PIP4K2A: variants seen among roughly 807,000 people sequenced by gnomAD.
The protein encoded by PIP4K2A is phosphatidylinositol-5-phosphate 4-kinase type 2 alpha.
PIP4K2A carries 14 observed loss-of-function variants against 42.9 expected under a neutral mutation model. The ratio of observed to expected loss-of-function variants is 0.33; its 90% CI spans 0.22 to 0.51. The LOEUF is 0.51. PIP4K2A is among the 20% of genes least tolerant of loss of function. The pLI is 0.97. For missense variants in PIP4K2A, 434 were observed against 519.8 expected (o/e 0.83, Z 1.61); for synonymous variants, 192 against 192.2 (o/e 1.00, Z 0.01).
intron 1 of PIP4K2A, among the ~76,000 whole-genome samples, chr10:22,681,809 T>A (rs1839668289): frequency 6.6e-6 from 1 of 152,204 alleles, no homozygotes; most frequent in Non-Finnish European, 1.5e-5. Flanking sequence ...CTGCAAGGGT[T>A]AGACAGTAAA....
intron 1 of PIP4K2A, among the ~76,000 whole-genome samples, chr10:22,683,061 A>C (rs1839693477): frequency 7.4e-6 from 1 of 135,786 alleles, no homozygotes; most frequent in African/African-American, 3.4e-5. Flanking sequence ...AAGAAAAAGA[A>C]AAACAACAAC....
In PIP4K2A at chr10:22,701,455, T is replaced by G. The variant is rs560646874; in HGVS notation, c.144+12728A>C. 1.4e-4 allele frequency among the ~76,000 whole-genome samples: 21 copies of G among 152,264 alleles called. No individual in the cohort carries two copies. The South Asian group carries it at 2.7e-3, about 20-fold the overall frequency. On this transcript the variant is annotated intron_variant, in intron 1 of 9. Transcript: ENST00000376573. ...ATACCTGGTTATCCAACAATGTCTG[T>G]TACCCCTGCCCAAGCTCAGGTTCCC...
At chr10:22,593,420 C>A (rs1047981055) in intron 3 of PIP4K2A, among the ~76,000 whole-genome samples, 11 of 152,192 alleles carry the variant, frequency 7.2e-5, no homozygotes, top group African/African-American at 2.6e-4. Context: ...ATTCTTAAGA[C>A]AACTAAAATT....
At chr10:22,555,178 G>A (rs16922450) in intron 6 of PIP4K2A, among the ~76,000 whole-genome samples, 2,252 of 152,278 alleles carry the variant, frequency 0.015, 43 homozygotes, top group African/African-American at 0.05. Flanking sequence ...AGCTTTCCAC[G>A]TAGGAGACAA....
At chr10:22,613,408 G>A (rs796982706) in intron 1 of PIP4K2A, among the ~76,000 whole-genome samples, 4 of 152,248 alleles carry the variant, frequency 2.6e-5, no homozygotes, top group African/African-American at 9.6e-5. Flanking sequence ...ATGGGATTCA[G>A]GCATGCAGGA....
chr10:22,553,645 TG>T (rs1382588144), intron 6 of PIP4K2A, among the ~76,000 whole-genome samples: 9 of 152,222 alleles, frequency 5.9e-5, no homozygotes, highest in Admixed American at 3.9e-4. Flanking sequence ...AAGGTAGAGT[TG>T]TGCTGGGAAC....
At chr10:22,595,500 G>A (rs923044696) in intron 3 of PIP4K2A, among the ~76,000 whole-genome samples, 21 of 152,206 alleles carry the variant, frequency 1.4e-4, no homozygotes, top group Admixed American at 1.2e-3. Context: ...GCTCATGCCT[G>A]TAGTCTCAGC....
rs74261081 is a variant in PIP4K2A at position 22,549,351 on chromosome 10, C to CT, written c.792+1307dup. Reference sequence around the variant, plus strand: ...CTGTGGCTTTCGTCATTTTCTTTTTCTTTTTTTTTTTTTGGTTTAATGACA... The same window carrying CT: ...CTGTGGCTTTCGTCATTTTCTTTTTCTTTTTTTTTTTTTTGGTTTAATGACA... On this transcript the variant is annotated intron_variant, in intron 7 of 9. Coordinates refer to ENST00000376573, the MANE Select transcript of PIP4K2A (RefSeq NM_005028.5). Among the ~76,000 whole-genome samples the CT allele has an allele frequency of 1.1e-3, 156 of 141,802 alleles. 1 individual carries two copies. Among genetic ancestry groups the CT allele is most frequent in the African/African-American group, 1.6e-3 (62 of 38,818 alleles). The allele number at this position is 141,802 out of a possible 152,430, so 93.0% of individuals were successfully genotyped here.
chr10:22,544,051 TA>T (rs1836197243), intron 7 of PIP4K2A, among the ~76,000 whole-genome samples: 1 of 152,106 alleles, frequency 6.6e-6, no homozygotes. Flanking sequence ...GAGGCTGCCT[TA>T]AAGCAGCTTT....
intron 1 of PIP4K2A, among the ~76,000 whole-genome samples, chr10:22,697,209 T>A (rs1269540897): frequency 6.6e-6 from 1 of 152,114 alleles, no homozygotes; most frequent in Non-Finnish European, 1.5e-5. Flanking sequence ...TTTCTGAGTG[T>A]CTTATCTAAA....
At chr10:22,597,376 A>C (rs1055997341) in intron 3 of PIP4K2A, among the ~76,000 whole-genome samples, 5 of 152,198 alleles carry the variant, frequency 3.3e-5, no homozygotes, top group African/African-American at 7.2e-5. Context: ...GTCAACCCTA[A>C]GAATTCTTCA....
At chr10:22,643,692 G>T (rs1385763427) in intron 1 of PIP4K2A, among the ~76,000 whole-genome samples, 3 of 151,994 alleles carry the variant, frequency 2.0e-5, no homozygotes, top group African/African-American at 4.8e-5. Flanking sequence ...AATTCTGATT[G>T]TCCCCAAGGA....
intron 6 of PIP4K2A, among the ~76,000 whole-genome samples, chr10:22,566,568 C>T (rs1836852479): frequency 6.6e-6 from 1 of 152,188 alleles, no homozygotes; most frequent in Admixed American, 6.5e-5. Flanking sequence ...TACCACATCC[C>T]AGCTCCGGCC....
chr10:22,647,921 C>A (rs1413592528), intron 1 of PIP4K2A, among the ~76,000 whole-genome samples: 1 of 152,210 alleles, frequency 6.6e-6, no homozygotes, highest in East Asian at 1.9e-4. Context: ...GAAATAAGAT[C>A]TTCCAAGAAA....
intron 6 of PIP4K2A, among the ~76,000 whole-genome samples, chr10:22,559,604 C>A (rs1836636274): frequency 6.6e-6 from 1 of 152,150 alleles, no homozygotes; most frequent in South Asian, 2.1e-4. Flanking sequence ...TTCCAGAATA[C>A]CCCTCATGGT....
At chr10:22,583,020 C>T (rs2130809472) in intron 4 of PIP4K2A, among the ~76,000 whole-genome samples, 1 of 152,106 alleles carries the variant, frequency 6.6e-6, no homozygotes, top group East Asian at 1.9e-4. Flanking sequence ...AAGGAACAAG[C>T]ATTCTTCTGT....
intron 5 of PIP4K2A, among the ~76,000 whole-genome samples, chr10:22,572,680 C>T (rs971125100): frequency 9.9e-5 from 15 of 152,188 alleles, no homozygotes; most frequent in Non-Finnish European, 1.5e-5. Context: ...AGTTTTCCAA[C>T]CCCTAACTTG....
chr10:22,547,330 G>A (rs762968699), intron 7 of PIP4K2A, among the ~76,000 whole-genome samples: 23 of 152,208 alleles, frequency 1.5e-4, no homozygotes, highest in Non-Finnish European at 2.8e-4. Context: ...TTTTTAACTT[G>A]TGTTTATGTC....
At chr10:22,605,818 T>G in intron 3 of PIP4K2A, among the ~76,000 whole-genome samples, 1 of 147,944 alleles carries the variant, frequency 6.8e-6, no homozygotes, top group Non-Finnish European at 1.5e-5. Context: ...CTTAAGACAC[T>G]GAAGCTATCT....
Sources: gnomAD v4.1 joint callset for allele counts (sites outside exome capture counted in the v4.1 genomes callset) on GRCh38, gnomAD v4.1.1 for gene constraint, MANE v1.5 for transcripts, NCBI Gene and HGNC (gene_info 2026-07-23, HGNC 2026-07-21) for gene names.